The following PDE4D variants were observed in gnomAD, a reference collection of about 807,000 sequenced individuals.
PDE4D encodes 3',5'-cyclic-AMP phosphodiesterase 4D.
In PDE4D, 24 loss-of-function variants were observed where a neutral mutation model predicts 87.4. That is an observed-to-expected ratio of 0.27 (90% CI 0.20 to 0.39). PDE4D has a LOEUF of 0.39. Among genes scored for constraint, PDE4D ranks in the 10% least tolerant of loss-of-function variants. The probability of loss-of-function intolerance (pLI) is 1.00; values close to 1 mark genes in which losing one functional copy is unlikely to be tolerated. For missense variants in PDE4D, 714 were observed against 1,041.0 expected, an observed-to-expected ratio of 0.69 and a Z score of 4.32; for synonymous variants, 384 against 383.2, an observed-to-expected ratio of 1.00 and a Z score of -0.02.
At chr5:59,103,061 A>G (rs557866288) in intron 5 of PDE4D, among the ~76,000 whole-genome samples, 1 of 152,306 alleles carries the variant, frequency 6.6e-6, no homozygotes, top group African/African-American at 2.4e-5. Context: ...CTACAAGGAC[A>G]GAATGAACTG....
At chr5:59,539,407 C>A (rs1275909290) in intron 1 of PDE4D, among the ~76,000 whole-genome samples, 1 of 152,116 alleles carries the variant, frequency 6.6e-6, no homozygotes, top group African/African-American at 2.4e-5. Flanking sequence ...TAATCACTAG[C>A]CAGATTTAAA....
chr5:59,469,167 A>G (rs745387217), intron 1 of PDE4D, among the ~76,000 whole-genome samples: 2 of 152,082 alleles, frequency 1.3e-5, no homozygotes, highest in Non-Finnish European at 2.9e-5. Flanking sequence ...CTCTACTAAA[A>G]ATACAAAAAA....
At chr5:58,981,129 C>T (rs1745032587) in intron 11 of PDE4D, among the ~76,000 whole-genome samples, 1 of 151,740 alleles carries the variant, frequency 6.6e-6, no homozygotes, top group South Asian at 2.1e-4. Flanking sequence ...CTTCCAGGAA[C>T]ACTCTCACAG....
At chr5:59,206,531 TA>T (rs1479064506) in intron 2 of PDE4D, among the ~76,000 whole-genome samples, 1 of 152,200 alleles carries the variant, frequency 6.6e-6, no homozygotes, top group Admixed American at 6.6e-5. Flanking sequence ...AGTAAATATT[TA>T]AAATGATTGA....
chr5:59,091,565 T>C (rs1440407424), intron 5 of PDE4D, among the ~76,000 whole-genome samples: 1 of 152,082 alleles, frequency 6.6e-6, no homozygotes, highest in Non-Finnish European at 1.5e-5. Flanking sequence ...TCCATTTACA[T>C]AAAATGCAAA....
At chr5:60,453,280 AAT>A (rs1162389788) in intron 1 of PDE4D, among the ~76,000 whole-genome samples, 1 of 152,146 alleles carries the variant, frequency 6.6e-6, no homozygotes, top group Non-Finnish European at 1.5e-5. Flanking sequence ...CAAACCTGGG[AAT>A]TATTCCACAG....
At chr5:60,159,907 G>C (rs1174073276) in intron 2 of PDE4D, among the ~76,000 whole-genome samples, 1 of 152,086 alleles carries the variant, frequency 6.6e-6, no homozygotes, top group African/African-American at 2.4e-5. Context: ...TTGTGTGAAT[G>C]AGCGTCATTT....
At chr5:59,134,858 G>T (rs1470664507) in intron 5 of PDE4D, among the ~76,000 whole-genome samples, 1 of 152,108 alleles carries the variant, frequency 6.6e-6, no homozygotes, top group Non-Finnish European at 1.5e-5. Flanking sequence ...AAATGTATGA[G>T]CTCTAGGTTG....
intron 5 of PDE4D, among the ~76,000 whole-genome samples, chr5:59,077,463 T>C (rs1439926048): frequency 1.4e-5 from 2 of 138,764 alleles, no homozygotes; most frequent in East Asian, 4.8e-4. Flanking sequence ...GGCAACTGAT[T>C]TTTTTTTTCT....
At chr5:60,476,857 A>T (rs1561298674) in intron 1 of PDE4D, among the ~76,000 whole-genome samples, 1 of 152,160 alleles carries the variant, frequency 6.6e-6, no homozygotes, top group Non-Finnish European at 1.5e-5. Context: ...ATCACGGCCA[A>T]GCATTAAATT....
chr5:59,227,721 C>T (rs967951785), intron 1 of PDE4D, among the ~76,000 whole-genome samples: 3 of 152,094 alleles, frequency 2.0e-5, no homozygotes, highest in African/African-American at 7.2e-5. Flanking sequence ...GTCAGAATGG[C>T]TATTACTAAA....
chr5:59,651,033 A>G (rs941367777), intron 1 of PDE4D, among the ~76,000 whole-genome samples: 3 of 152,006 alleles, frequency 2.0e-5, no homozygotes, highest in African/African-American at 7.2e-5. Flanking sequence ...AGGTGGGCGG[A>G]TCACGAGGTC....
At chr5:59,725,751 T>A (rs557757202) in intron 1 of PDE4D, among the ~76,000 whole-genome samples, 1 of 152,150 alleles carries the variant, frequency 6.6e-6, no homozygotes, top group Admixed American at 6.6e-5. Context: ...TGGGATCTCT[T>A]GGACTTAGGA....
intron 1 of PDE4D, among the ~76,000 whole-genome samples, chr5:59,486,076 T>C (rs1224108915): frequency 2.0e-5 from 3 of 152,128 alleles, no homozygotes; most frequent in Non-Finnish European, 4.4e-5. Flanking sequence ...ATCACTATCA[T>C]GATATAAAAT....
At chr5:59,281,784 T>C (rs76994554) in intron 1 of PDE4D, among the ~76,000 whole-genome samples, 6,800 of 152,258 alleles carry the variant, frequency 0.045, 205 homozygotes, top group African/African-American at 0.084. Flanking sequence ...TTGACTACTC[T>C]AGATATCTTA....
At chr5:59,683,037 G>C (rs933498972) in intron 1 of PDE4D, among the ~76,000 whole-genome samples, 1 of 152,184 alleles carries the variant, frequency 6.6e-6, no homozygotes, top group Non-Finnish European at 1.5e-5. Context: ...TTAGAATAAA[G>C]TCTGTAGATT....
At chr5:60,430,541 T>TTG (rs1554034808) in intron 1 of PDE4D, among the ~76,000 whole-genome samples, 3 of 142,252 alleles carry the variant, frequency 2.1e-5, no homozygotes, top group African/African-American at 8.6e-5. Flanking sequence ...TTTTGTTTTT[T>TTG]TTTGTTTGTT....
chr5:59,023,933 CACT>C (rs1755716047), intron 6 of PDE4D, among the ~76,000 whole-genome samples: 1 of 141,956 alleles, frequency 7.0e-6, no homozygotes, highest in African/African-American at 2.6e-5. Context: ...GATGGAGTCT[CACT>C]CAGTCGCCCA....
chr5:59,158,582 T>G (rs1225935636), intron 5 of PDE4D, among the ~76,000 whole-genome samples: 1 of 152,232 alleles, frequency 6.6e-6, no homozygotes, highest in Non-Finnish European at 1.5e-5. Flanking sequence ...TGCCTTGGTA[T>G]CTTTTATTCA....
Sources: gnomAD v4.1 joint callset for allele counts (sites outside exome capture counted in the v4.1 genomes callset) on GRCh38, gnomAD v4.1.1 for gene constraint, MANE v1.5 for transcripts, NCBI Gene and HGNC (gene_info 2026-07-23, HGNC 2026-07-21) for gene names.